CNTN1: variants seen among roughly 807,000 people sequenced by gnomAD.
CNTN1 encodes contactin-1.
Under a neutral mutation model 126.4 loss-of-function variants are expected in CNTN1, and 38 were observed. The observed-to-expected ratio is 0.30, with a 90% CI of 0.23 to 0.39. The LOEUF (loss-of-function observed/expected upper bound fraction) is 0.39. CNTN1 is among the 10% of genes least tolerant of loss of function. The pLI, the probability that CNTN1 is intolerant of heterozygous loss-of-function variation, is 1.00. For missense variants in CNTN1, 1,009 were observed against 1,248.4 expected, an observed-to-expected ratio of 0.81 and a Z score of 2.89; for synonymous variants, 413 against 422.6, an observed-to-expected ratio of 0.98 and a Z score of 0.28.
At chr12:40,991,685 G>A (rs541100083) in intron 16 of CNTN1, among the ~76,000 whole-genome samples, 13 of 152,164 alleles carry the variant, frequency 8.5e-5, no homozygotes, top group South Asian at 6.2e-4. Flanking sequence ...AAAATTAGCC[G>A]GGCCTGGTGG....
intron 1 of CNTN1, among the ~76,000 whole-genome samples, chr12:40,792,778 T>C (rs1388689303): frequency 6.6e-6 from 1 of 152,134 alleles, no homozygotes; most frequent in African/African-American, 2.4e-5. Flanking sequence ...ATTCCTTGCA[T>C]ATAGTTTTTT....
At chr12:40,813,142 T>A (rs1222575202) in intron 1 of CNTN1, among the ~76,000 whole-genome samples, 1 of 150,384 alleles carries the variant, frequency 6.6e-6, no homozygotes, top group Non-Finnish European at 1.5e-5. Flanking sequence ...TCTTTCTTTT[T>A]CTTTCTGCCT....
intron 1 of CNTN1, among the ~76,000 whole-genome samples, chr12:40,793,954 G>A (rs1940315124): frequency 3.8e-5 from 2 of 52,242 alleles, no homozygotes; most frequent in African/African-American, 9.7e-5. Context: ...AAATACTAGG[G>A]AAGTGGTGGT....
intron 1 of CNTN1, among the ~76,000 whole-genome samples, chr12:40,781,437 G>GT (rs765869033): frequency 3.3e-5 from 5 of 152,000 alleles, no homozygotes; most frequent in African/African-American, 4.8e-5. Context: ...CCTCTATTGA[G>GT]TATGTGTCAG....
chr12:40,985,448 C>G (rs1947933637), intron 16 of CNTN1, among the ~76,000 whole-genome samples: 1 of 151,978 alleles, frequency 6.6e-6, no homozygotes, highest in Non-Finnish European at 1.5e-5. Flanking sequence ...CAGAAAATGT[C>G]TTTAATTTCA....
intron 6 of CNTN1, among the ~76,000 whole-genome samples, chr12:40,924,879 A>AATATATATATATATATATATAT (rs1297006824): frequency 5.5e-5 from 3 of 54,306 alleles, no homozygotes; most frequent in African/African-American, 9.5e-5. Context: ...TTAGTTTATA[A>AATATATATATATATATATATAT]ACATATATAT....
chr12:40,762,327 G>A (rs1315966458), intron 1 of CNTN1, among the ~76,000 whole-genome samples: 2 of 152,104 alleles, frequency 1.3e-5, no homozygotes, highest in African/African-American at 2.4e-5. Context: ...CATCAGTGAC[G>A]AACTGCTAGA....
intron 1 of CNTN1, among the ~76,000 whole-genome samples, chr12:40,865,668 G>A (rs187741466): frequency 1.6e-3 from 250 of 151,990 alleles, no homozygotes; most frequent in African/African-American, 5.8e-3. Flanking sequence ...TCTGAATTCT[G>A]TCCTATTGAT....
At chr12:40,777,970 G>C (rs1315784194) in intron 1 of CNTN1, among the ~76,000 whole-genome samples, 4 of 151,806 alleles carry the variant, frequency 2.6e-5, no homozygotes, top group Admixed American at 2.6e-4. Context: ...CAAGATACCA[G>C]ATTATGGAAG....
intron 1 of CNTN1, among the ~76,000 whole-genome samples, chr12:40,790,977 G>A (rs1463857285): frequency 1.3e-5 from 2 of 152,108 alleles, no homozygotes; most frequent in Non-Finnish European, 2.9e-5. Context: ...CTCAGCCACA[G>A]TTTGTAAAAG....
chr12:40,845,724 C>A (rs1942475419), intron 1 of CNTN1, among the ~76,000 whole-genome samples: 1 of 152,136 alleles, frequency 6.6e-6, no homozygotes, highest in South Asian at 2.1e-4. Context: ...CAGGGAGCAT[C>A]CCACTTGGTG....
At chr12:40,798,008 A>C (rs1940509028) in intron 1 of CNTN1, among the ~76,000 whole-genome samples, 1 of 152,046 alleles carries the variant, frequency 6.6e-6, no homozygotes, top group South Asian at 2.1e-4. Context: ...TAAGTGGGTT[A>C]ATGAGTCTGG....
intron 1 of CNTN1, among the ~76,000 whole-genome samples, chr12:40,902,209 A>G (rs1486542263): frequency 6.6e-6 from 1 of 152,210 alleles, no homozygotes; most frequent in Non-Finnish European, 1.5e-5. Context: ...ACATATCCAT[A>G]TACATGCATT....
chr12:40,706,513 T>C (rs1695785851), intron 1 of CNTN1, among the ~76,000 whole-genome samples: 1 of 152,120 alleles, frequency 6.6e-6, no homozygotes, highest in Admixed American at 6.6e-5. Flanking sequence ...TTTACTAGAT[T>C]GTAAGAGTGG....
At chr12:41,030,330 T>C (rs1201874876) in intron 23 of CNTN1, among the ~76,000 whole-genome samples, 2 of 152,114 alleles carry the variant, frequency 1.3e-5, no homozygotes, top group Non-Finnish European at 2.9e-5. Context: ...TTGTATGCCA[T>C]GTTTTTGTGA....
At chr12:40,992,332 A>G (rs1948115054) in intron 16 of CNTN1, among the ~76,000 whole-genome samples, 1 of 152,152 alleles carries the variant, frequency 6.6e-6, no homozygotes, top group Admixed American at 6.6e-5. Flanking sequence ...TGCCAGATAA[A>G]ACTTCCCTAA....
chr12:40,960,371 T>G (rs1947063023), intron 15 of CNTN1, among the ~76,000 whole-genome samples: 1 of 152,080 alleles, frequency 6.6e-6, no homozygotes, highest in Non-Finnish European at 1.5e-5. Context: ...GCCTTTACTT[T>G]TCACACTATC....
At chr12:40,838,797 A>G (rs1329461617) in intron 1 of CNTN1, among the ~76,000 whole-genome samples, 1 of 152,214 alleles carries the variant, frequency 6.6e-6, no homozygotes, top group Admixed American at 6.5e-5. Flanking sequence ...TAAATTCAAA[A>G]ATAGGAAGAA....
chr12:40,943,933 A>G, intron 13 of CNTN1, 62 bp from the exon 14 acceptor site: 1 of 1,458,976 alleles, frequency 6.9e-7, no homozygotes, highest in Non-Finnish European at 9.5e-7. Flanking sequence ...TTATTTTAAT[A>G]TACCAGATAA....
Sources: gnomAD v4.1 joint callset for allele counts (sites outside exome capture counted in the v4.1 genomes callset) on GRCh38, gnomAD v4.1.1 for gene constraint, MANE v1.5 for transcripts, NCBI Gene and HGNC (gene_info 2026-07-23, HGNC 2026-07-21) for gene names.